Variants in KCNMA1 observed in about 807,000 individuals in gnomAD.
The protein encoded by KCNMA1 is potassium calcium-activated channel subfamily M alpha 1, also known as Calcium-activated potassium channel subunit alpha-1.
Under a neutral mutation model 140.0 loss-of-function variants are expected in KCNMA1, and 29 were observed. The observed-to-expected ratio is 0.21, with a 90% CI of 0.15 to 0.28. KCNMA1 has a LOEUF of 0.28. KCNMA1 is among the 10% of genes least tolerant of loss of function. KCNMA1 has a pLI of 1.00. For missense variants in KCNMA1, 880 were observed against 1,602.2 expected (o/e 0.55, Z 7.70); for synonymous variants, 612 against 611.9 (o/e 1.00, Z 0.00).
At chr10:77,443,270 A>G (rs1483308169) in intron 1 of KCNMA1, among the ~76,000 whole-genome samples, 3 of 152,196 alleles carry the variant, frequency 2.0e-5, no homozygotes, top group Non-Finnish European at 4.4e-5. Context: ...CCTGCAGGCC[A>G]GGGACTGGTT....
intron 24 of KCNMA1, chr10:76,914,024 G>T: frequency 6.9e-7 from 1 of 1,453,542 alleles, no homozygotes. Flanking sequence ...AACAAAAGGA[G>T]ATACTGATGT....
At chr10:76,901,131 T>C (rs1407127243) in intron 25 of KCNMA1, among the ~76,000 whole-genome samples, 2 of 152,018 alleles carry the variant, frequency 1.3e-5, no homozygotes, top group Non-Finnish European at 2.9e-5. Context: ...AATAAAATAC[T>C]CTGGATAAAA....
chr10:77,468,066 G>A (rs1432384589), intron 1 of KCNMA1, among the ~76,000 whole-genome samples: 1 of 152,104 alleles, frequency 6.6e-6, no homozygotes, highest in Non-Finnish European at 1.5e-5. Flanking sequence ...GGAGTGCAGT[G>A]GTGCGATCTT....
intron 10 of KCNMA1, among the ~76,000 whole-genome samples, chr10:77,087,629 C>T (rs572096086): frequency 3.9e-5 from 6 of 152,286 alleles, no homozygotes; most frequent in South Asian, 4.1e-4. Context: ...CACATGTATG[C>T]GACTCATCAC....
chr10:77,208,556 A>G (rs2044940901), intron 3 of KCNMA1, among the ~76,000 whole-genome samples: 1 of 151,920 alleles, frequency 6.6e-6, no homozygotes, highest in African/African-American at 2.4e-5. Context: ...GAACAGCAAA[A>G]AAATCAAATG....
Position 77,325,760 on chromosome 10 carries a change from G to C in KCNMA1, c.541-74504C>G, listed in dbSNP as rs191159472. The stretch of plus-strand genomic sequence containing the variant: ...GTGCTTGCCTCTGCTGCCCCAACAG[G>C]TCTCCTTGTCGCCATACCATTCTCC... On this transcript the variant is annotated intron_variant, in intron 2 of 27. Coordinates refer to ENST00000286628, the MANE Select transcript of KCNMA1 (RefSeq NM_001161352.2). Among the ~76,000 whole-genome samples the C allele has an allele frequency of 2.0e-5, 3 of 152,258 alleles. No individual in the cohort carries two copies. In the East Asian group the frequency reaches 5.8e-4, roughly 29 times the overall value.
chr10:77,275,704 C>G (rs1398615784), intron 2 of KCNMA1, among the ~76,000 whole-genome samples: 1 of 152,202 alleles, frequency 6.6e-6, no homozygotes, highest in African/African-American at 2.4e-5. Context: ...ATCATCCACT[C>G]CTGCAGGAAG....
Position 76,887,534 on chromosome 10 carries a change from G to C in KCNMA1, c.3462-19C>G. 6.2e-7 allele frequency: 1 copy of C among 1,614,068 alleles called. No homozygotes were observed. The highest frequency in any genetic ancestry group is 8.5e-7 in the Non-Finnish European group (1 of 1,179,962). On this transcript the variant is annotated intron_variant, in intron 27 of 27. Coordinates refer to ENST00000286628, the MANE Select transcript of KCNMA1 (RefSeq NM_001161352.2). ...GACATACCTGGACAGGGAAAGCAGA[G>C]ATGTCACCTCCTGAGAGTAACTGAG...
chr10:77,124,403 G>T (rs575381076), intron 5 of KCNMA1, among the ~76,000 whole-genome samples: 5 of 152,236 alleles, frequency 3.3e-5, no homozygotes, highest in African/African-American at 7.2e-5. Flanking sequence ...AGGCCACAAG[G>T]TCCTATACTC....
chr10:77,150,109 A>G lies in KCNMA1; in HGVS notation c.809-29061T>C, dbSNP rs1445781135. 2.6e-5 allele frequency: 4 copies of G among 152,314 alleles called. No homozygotes were observed. In the East Asian group the frequency reaches 5.8e-4, roughly 22 times the overall value. 9.4% of individuals were successfully genotyped at this position (152,314 alleles called of 1,614,324 possible). On this transcript the variant is annotated intron_variant, in intron 5 of 27. Coordinates refer to ENST00000286628, the MANE Select transcript of KCNMA1 (RefSeq NM_001161352.2). ...GTGGGTCTACTACTTTATCATTAGC[A>G]ATAAGTGGATTCTTTCTTCCTGCCA... is the stretch of plus-strand genomic sequence containing the variant.
chr10:77,434,628 C>G (rs546124552), intron 1 of KCNMA1, among the ~76,000 whole-genome samples: 1 of 152,328 alleles, frequency 6.6e-6, no homozygotes, highest in South Asian at 2.1e-4. Flanking sequence ...TGCTGAGGAA[C>G]AGGTGCTCCA....
At chr10:77,228,725 ACT>A (rs2052458458) in intron 3 of KCNMA1, among the ~76,000 whole-genome samples, 4 of 151,876 alleles carry the variant, frequency 2.6e-5, no homozygotes, top group Admixed American at 2.6e-4. Flanking sequence ...GAGTGTAAAC[ACT>A]CTCCCGGCTA....
intron 1 of KCNMA1, among the ~76,000 whole-genome samples, chr10:77,517,037 A>G (rs1367346182): frequency 6.6e-6 from 1 of 151,358 alleles, no homozygotes; most frequent in Non-Finnish European, 1.5e-5. Flanking sequence ...GCCGGCCTGC[A>G]TACATGTGCA....
intron 25 of KCNMA1, among the ~76,000 whole-genome samples, chr10:76,900,460 G>T (rs80014203): frequency 0.017 from 2,611 of 151,870 alleles, 75 homozygotes; most frequent in African/African-American, 0.059. Context: ...AGAATTTGGG[G>T]TTTTTTTCCT....
intron 5 of KCNMA1, among the ~76,000 whole-genome samples, chr10:77,134,956 C>CCACCGCACT (rs1407597452): frequency 8.1e-6 from 1 of 122,868 alleles, no homozygotes; most frequent in Non-Finnish European, 1.6e-5. Flanking sequence ...TGAGATCATG[C>CCACCGCACT]CACCGCACTC....
At chr10:76,977,475 AC>A in intron 19 of KCNMA1, 1 of 684,016 alleles carries the variant, frequency 1.5e-6, no homozygotes, top group Admixed American at 2.0e-5. Flanking sequence ...TCCATCTCTA[AC>A]GACAAAGTTG....
At chr10:77,094,414 A>C (rs2096881326) in intron 9 of KCNMA1, among the ~76,000 whole-genome samples, 1 of 152,130 alleles carries the variant, frequency 6.6e-6, no homozygotes, top group Non-Finnish European at 1.5e-5. Context: ...ATGGACCCAC[A>C]GAGGTCCTCC....
At chr10:77,176,352 C>T (rs1014011353) in intron 5 of KCNMA1, among the ~76,000 whole-genome samples, 12 of 152,174 alleles carry the variant, frequency 7.9e-5, no homozygotes, top group African/African-American at 2.2e-4. Context: ...ATGTTCCCCT[C>T]AGTCACTGCA....
At chr10:77,499,131 A>G (rs574130328) in intron 1 of KCNMA1, among the ~76,000 whole-genome samples, 123 of 152,354 alleles carry the variant, frequency 8.1e-4, no homozygotes, top group Admixed American at 4.0e-3. Context: ...GAAACCATCT[A>G]TTCTATGTCT....
Sources: gnomAD v4.1 joint callset for allele counts (sites outside exome capture counted in the v4.1 genomes callset) on GRCh38, gnomAD v4.1.1 for gene constraint, MANE v1.5 for transcripts, NCBI Gene and HGNC (gene_info 2026-07-23, HGNC 2026-07-21) for gene names.